Variants in TCF12 observed in about 807,000 individuals in gnomAD.
TCF12 encodes the protein DNA-binding protein HTF4.
TCF12 carries 45 observed loss-of-function variants against 86.0 expected under a neutral mutation model. The observed-to-expected ratio is 0.52, with a 90% confidence interval of 0.41 to 0.67. The LOEUF is 0.67. TCF12 is among the 30% of genes least tolerant of loss of function. The pLI, the probability that TCF12 is intolerant of heterozygous loss-of-function variation, is 0.00. For missense variants in TCF12, 881 were observed against 859.9 expected (o/e 1.02, Z -0.31); for synonymous variants, 330 against 299.6 (o/e 1.10, Z -1.05).
At chr15:57,291,296 C>T (rs1385269769), downstream of TCF12, among the ~76,000 whole-genome samples, 1 of 151,590 alleles carries the variant, frequency 6.6e-6, no homozygotes, top group Non-Finnish European at 1.5e-5. Flanking sequence ...AATGTAAATC[C>T]TATGTAAATC....
At chr15:57,087,503 G>A (rs2048729981) in intron 4 of TCF12, among the ~76,000 whole-genome samples, 1 of 151,390 alleles carries the variant, frequency 6.6e-6, no homozygotes, top group Non-Finnish European at 1.5e-5. Flanking sequence ...CAGGTCTGTT[G>A]TCATACTGTA....
At chr15:57,197,887 C>G in intron 8 of TCF12, 62 bp downstream of exon 8, 2 of 1,542,876 alleles carry the variant, frequency 1.3e-6, no homozygotes, top group Non-Finnish European at 1.8e-6. Context: ...TTCCGTATTA[C>G]CTTGCTACAA....
intron 5 of TCF12, among the ~76,000 whole-genome samples, chr15:57,143,470 C>G (rs545251899): frequency 2.0e-5 from 3 of 152,016 alleles, no homozygotes; most frequent in African/African-American, 7.2e-5. Context: ...AAAATTAAAC[C>G]GAAACAGCAA....
At chr15:57,165,127 T>G (rs1329905083) in intron 5 of TCF12, among the ~76,000 whole-genome samples, 3 of 90,532 alleles carry the variant, frequency 3.3e-5, no homozygotes, top group African/African-American at 1.1e-4. Context: ...CCTGAAGGAA[T>G]GTATGTCTGT....
Position 57,282,582 on chromosome 15 carries a change from A to G in TCF12, c.2116A>G (p.Met706Val), listed in dbSNP as rs1360094271. 2 of 1,613,096 alleles carry G rather than the reference A, an allele frequency of 1.2e-6. No individual in the cohort carries two copies. Among genetic ancestry groups the G allele is most frequent in the Admixed American group, 1.7e-5 (1 of 59,768 alleles). The change falls in exon 20 of 21, where the codon ATG (methionine) becomes GTG (valine). Residue 706 changes from methionine (M) to valine (V), a missense_variant. Physicochemically the swap from Met to Val is conservative, Grantham distance 21 (BLOSUM62 1). Around this residue, in one of 3 missense-constraint regions of TCF12, gnomAD observed 69 missense variants for 64.2 expected, o/e 1.07. Coordinates refer to ENST00000333725, the MANE Select transcript of TCF12 (RefSeq NM_207037.2). ...TGAAACTACCAACCCTATGGGTCAT[A>G]TGTAAACATCAGCCAGGTAAGTACG... is the stretch of plus-strand genomic sequence containing the variant. ...LSETTNPMGH[M>V]
At chr15:57,147,365 G>T (rs1375115097) in intron 5 of TCF12, among the ~76,000 whole-genome samples, 3 of 152,054 alleles carry the variant, frequency 2.0e-5, no homozygotes, top group Non-Finnish European at 2.9e-5. Context: ...TTAGTTGTAA[G>T]ATATCTTTTG....
chr15:57,267,954 G>C (rs1455093289), intron 18 of TCF12, among the ~76,000 whole-genome samples: 1 of 152,102 alleles, frequency 6.6e-6, no homozygotes, highest in Non-Finnish European at 1.5e-5. Flanking sequence ...TTTGCACACG[G>C]TCTAGCACAC....
At chr15:57,155,737 G>A (rs750579747) in intron 5 of TCF12, among the ~76,000 whole-genome samples, 19 of 152,254 alleles carry the variant, frequency 1.2e-4, no homozygotes, top group Middle Eastern at 3.4e-3. Context: ...GCTATCGAGC[G>A]CCACTGCATT....
At chr15:57,058,883 T>C (rs1273608936) in intron 3 of TCF12, among the ~76,000 whole-genome samples, 2 of 152,206 alleles carry the variant, frequency 1.3e-5, no homozygotes, top group Admixed American at 1.3e-4. Context: ...TAAAAAATCT[T>C]GGTGTTGGTT....
chr15:57,180,854 G>A (rs1317988383), intron 6 of TCF12, among the ~76,000 whole-genome samples: 2 of 110,854 alleles, frequency 1.8e-5, no homozygotes, highest in African/African-American at 3.7e-5. Flanking sequence ...TCGCTCTGTC[G>A]CCCAGGCTGG....
intron 16 of TCF12, among the ~76,000 whole-genome samples, chr15:57,256,610 G>A (rs1597686005): frequency 7.7e-6 from 1 of 129,762 alleles, no homozygotes; most frequent in East Asian, 2.2e-4. Context: ...GAAGTTTGTC[G>A]ATTTTTTCCG....
chr15:57,097,281 C>G (rs1052639172), intron 5 of TCF12, among the ~76,000 whole-genome samples: 2 of 152,090 alleles, frequency 1.3e-5, no homozygotes, highest in South Asian at 4.1e-4. Context: ...GGCTCACATT[C>G]CCAGCACTTT....
At chr15:57,120,936 G>C (rs2051184603) in intron 5 of TCF12, among the ~76,000 whole-genome samples, 1 of 152,082 alleles carries the variant, frequency 6.6e-6, no homozygotes, top group East Asian at 1.9e-4. Context: ...AGCCATGATT[G>C]CACCTCTGCA....
intron 3 of TCF12, among the ~76,000 whole-genome samples, chr15:56,930,644 TAG>T (rs1210599203): frequency 6.6e-6 from 1 of 152,218 alleles, no homozygotes; most frequent in Non-Finnish European, 1.5e-5. Context: ...GGTAGATAAT[TAG>T]AGGCATTGCA....
chr15:57,032,840 G>A (rs1216613325), intron 3 of TCF12, among the ~76,000 whole-genome samples: 1 of 152,136 alleles, frequency 6.6e-6, no homozygotes, highest in African/African-American at 2.4e-5. Context: ...CACTGGTAAA[G>A]GCAATAACAG....
intron 8 of TCF12, among the ~76,000 whole-genome samples, chr15:57,225,421 A>C (rs12441239): frequency 0.04 from 6,107 of 151,018 alleles, 369 homozygotes; most frequent in Admixed American, 0.17. Flanking sequence ...TTTTATTATT[A>C]TTTTTAGTAG....
intron 5 of TCF12, among the ~76,000 whole-genome samples, chr15:57,130,752 A>T (rs893392785): frequency 5.3e-5 from 8 of 152,202 alleles, no homozygotes; most frequent in Non-Finnish European, 1.2e-4. Flanking sequence ...ATAATGAAAA[A>T]TGTGCTTGTT....
intron 3 of TCF12, among the ~76,000 whole-genome samples, chr15:56,941,144 C>CT (rs1408538594): frequency 4.0e-5 from 6 of 151,492 alleles, no homozygotes; most frequent in African/African-American, 1.5e-4. Context: ...GTGGGTGTAT[C>CT]ACTTGAGCCC....
intron 3 of TCF12, among the ~76,000 whole-genome samples, chr15:57,057,672 G>T (rs1338968912): frequency 6.6e-6 from 1 of 152,154 alleles, no homozygotes; most frequent in Non-Finnish European, 1.5e-5. Context: ...AGACCATTGG[G>T]TTTATTAGTA....
Sources: allele counts gnomAD v4.1 joint callset (sites outside exome capture counted in the v4.1 genomes callset), GRCh38; gene constraint gnomAD v4.1.1; regional missense constraint gnomAD v4.1.1; transcripts MANE v1.5; gene names NCBI Gene and HGNC (gene_info 2026-07-23, HGNC 2026-07-21).